The following WDR91 variants were observed in gnomAD, a reference collection of about 807,000 sequenced individuals.
The protein encoded by WDR91 is WD repeat domain 91, also known as WD repeat-containing protein 91.
In WDR91, 52 loss-of-function variants were observed where a neutral mutation model predicts 88.4. The observed-to-expected ratio is 0.59, with a 90% CI of 0.47 to 0.74. WDR91 has a LOEUF of 0.74. Ranked by LOEUF, WDR91 falls within the 30% of genes least tolerant of loss-of-function variation. WDR91 has a pLI of 0.00. For missense variants in WDR91, 824 were observed against 954.5 expected (o/e 0.86, Z 1.80); for synonymous variants, 362 against 389.5 (o/e 0.93, Z 0.83).
Position 135,194,951 on chromosome 7 carries a change from T to A in WDR91, c.1378A>T (p.Thr460Ser), listed in dbSNP as rs745924675. Residue 460 changes from threonine to serine, a missense_variant, in exon 9 of 15, where the codon ACC becomes TCC. By Grantham distance (58) the Thr-to-Ser change is moderately conservative (BLOSUM62 1). Coordinates refer to ENST00000354475, the MANE Select transcript of WDR91 (RefSeq NM_014149.4). Reference protein sequence around the residue: ...KSPLLSLEWATKRDRLLLLGS... With the variant: ...KSPLLSLEWASKRDRLLLLGS... ...TTACTCACCAGTCTGTCCCGTTTGG[T>A]GGCCCATTCCAAAGACAGCAGCGGT... The A allele has an allele frequency of 4.3e-6, 7 of 1,614,126 alleles. No individual in the cohort carries two copies. In the South Asian group the frequency reaches 7.7e-5, roughly 18 times the overall value.
At chr7:135,199,478 T>G (rs1831492805) in intron 6 of WDR91, 1 of 151,438 alleles carries the variant, frequency 6.6e-6, no homozygotes, top group African/African-American at 2.4e-5. Context: ...AGAGATGGAG[T>G]GGGGAGGTGG....
At chr7:135,207,034 T>G in intron 4 of WDR91, 86 bp downstream of exon 4, 1 of 1,097,064 alleles carries the variant, frequency 9.1e-7, no homozygotes, top group Non-Finnish European at 1.3e-6. Flanking sequence ...GGAAACCTGA[T>G]TAATATAGTG....
Position 135,198,078 on chromosome 7 carries a change from T to C in WDR91, c.965A>G (p.Glu322Gly). The C allele has an allele frequency of 6.2e-7, 1 of 1,614,108 alleles. No homozygotes were observed. Among genetic ancestry groups the C allele is most frequent in the Non-Finnish European group, 8.5e-7 (1 of 1,179,992 alleles). ...KSLLSGLATG[E>G]SGWSQHRQRR... is the part of the protein sequence containing the mutation. ...CTGCCGGTGCTGTGACCAACCGGACTCCCCAGTGGCCAGCCCGCTGAGGAG... is the reference window on the plus strand; with the variant it reads ...CTGCCGGTGCTGTGACCAACCGGACCCCCCAGTGGCCAGCCCGCTGAGGAG... The change falls in exon 7 of 15, where the codon GAG becomes GGG. Residue 322 changes from glutamate to glycine, a missense_variant. Glu to Gly is a moderately conservative substitution (Grantham distance 98). Coordinates refer to ENST00000354475, the MANE Select transcript of WDR91 (RefSeq NM_014149.4).
intron 7 of WDR91, 180 bp downstream of exon 7, chr7:135,197,813 C>G (rs779565322): frequency 8.8e-5 from 62 of 700,880 alleles, no homozygotes; most frequent in Admixed American, 2.5e-4. Context: ...AGAAATGGAC[C>G]ACAGAAAAGC....
chr7:135,193,753 CT>C, intron 9 of WDR91, 81 bp from the exon 10 acceptor site: 1 of 1,256,506 alleles, frequency 8.0e-7, no homozygotes, highest in African/African-American at 1.5e-5. Context: ...GGGGGTGAGG[CT>C]GGGCAGGCTG....
At chr7:135,207,552 T>A (rs1387109557) in intron 3 of WDR91, among the ~76,000 whole-genome samples, 7 of 152,114 alleles carry the variant, frequency 4.6e-5, no homozygotes, top group African/African-American at 1.7e-4. Flanking sequence ...TTTAGTGAGG[T>A]CACTACATTC....
At position 135,204,430 on chromosome 7, in the gene WDR91, G is replaced by C. The variant is rs761550004; in HGVS notation, c.729C>G (p.Ala243=). Residue 243 remains alanine (A), a synonymous_variant, in exon 6 of 15, where the codon GCC becomes GCG. Transcript: ENST00000354475. ...AGGCATTCCTTTGGCTGCACACCAT[G>C]GCACTGGTCAGCAAACACACCACAG... ...NMDRLGDSEL[A]MVCSQRNASL... is the part of the protein sequence containing the mutation. 5 of 1,613,968 alleles carry C rather than the reference G, an allele frequency of 3.1e-6. No homozygotes were observed. In the African/African-American group the frequency reaches 5.3e-5, roughly 17 times the overall value.
At chr7:135,197,043 C>T (rs1465746062) in intron 7 of WDR91, 1 of 152,302 alleles carries the variant, frequency 6.6e-6, no homozygotes, top group African/African-American at 2.4e-5. Flanking sequence ...CTGGTGCTCA[C>T]CTAGACACAA....
At position 135,189,353 on chromosome 7, in the gene WDR91, G is replaced by T. The variant is rs761361253; in HGVS notation, c.1759C>A (p.Arg587=). Reference sequence around the variant, plus strand: ...GAGCACACTTGCATACCAAACAGCCGGATGACGCCATCAGCTGCCCCTGTG... The same window carrying T: ...GAGCACACTTGCATACCAAACAGCCTGATGACGCCATCAGCTGCCCCTGTG... ...LVTGAADGVI[R]LFDMQQHECA... Residue 587 remains arginine, a synonymous_variant, in exon 12 of 15, where the codon CGG becomes AGG. Coordinates refer to ENST00000354475, the MANE Select transcript of WDR91 (RefSeq NM_014149.4). 1 of 1,613,450 alleles carries T rather than the reference G, an allele frequency of 6.2e-7. No homozygotes were observed. The highest frequency in any genetic ancestry group is 1.3e-5 in the African/African-American group (1 of 74,882).
Position 135,186,140 on chromosome 7 carries a change from G to A in WDR91, c.*11C>T, listed in dbSNP as rs1220043277. Reference sequence around the variant, plus strand: ...AATACTGCTTCCTCGGGTGGCCCTTGGGGCAAGTCATCAGGCTTTATGGGC... The same window carrying A: ...AATACTGCTTCCTCGGGTGGCCCTTAGGGCAAGTCATCAGGCTTTATGGGC... On this transcript the variant is annotated 3_prime_UTR_variant, in exon 15 of 15. Transcript: ENST00000354475. The A allele has an allele frequency of 6.3e-7, 1 of 1,579,082 alleles. No individual in the cohort carries two copies. The highest frequency in any genetic ancestry group is 1.9e-5 in the Admixed American group (1 of 51,358).
chr7:135,209,810 T>C, intron 1 of WDR91, 55 bp from the exon 2 acceptor site: 2 of 1,414,350 alleles, frequency 1.4e-6, no homozygotes, highest in Non-Finnish European at 9.4e-7. Context: ...AATTCTCCCC[T>C]CCATGGAATA....
chr7:135,207,382 T>C (rs1391679870), intron 3 of WDR91, 180 bp from the exon 4 acceptor site: 1 of 615,824 alleles, frequency 1.6e-6, no homozygotes, highest in African/African-American at 1.8e-5. Context: ...CTCTAAGACT[T>C]TCTCTAGGTC....
intron 1 of WDR91, chr7:135,210,922 C>T (rs1392343769): frequency 1.6e-5 from 11 of 703,468 alleles, no homozygotes; most frequent in African/African-American, 8.7e-5. Flanking sequence ...GCAAAATTGC[C>T]GATGAGTCCC....
rs532131778 is a variant in WDR91 at position 135,193,213 on chromosome 7, C to T, written c.1659+18G>A. 8.4e-5 allele frequency: 136 copies of T among 1,611,984 alleles called. No individual in the cohort carries two copies. The South Asian group carries it at 1.3e-3, about 16-fold the overall frequency. On this transcript the variant is annotated intron_variant, in intron 11 of 14. Coordinates refer to ENST00000354475, the MANE Select transcript of WDR91 (RefSeq NM_014149.4). Reference sequence around the variant, plus strand: ...GTGTGTGCCTGGCCCCAGAGAGAGCCACAGGGCAGGCCCGTACCTGCTGCT... The same window carrying T: ...GTGTGTGCCTGGCCCCAGAGAGAGCTACAGGGCAGGCCCGTACCTGCTGCT...
At chr7:135,209,810 T>A in intron 1 of WDR91, 55 bp from the exon 2 acceptor site, 1 of 1,414,350 alleles carries the variant, frequency 7.1e-7, no homozygotes, top group South Asian at 1.6e-5. Context: ...AATTCTCCCC[T>A]CCATGGAATA....
chr7:135,194,213 G>A (rs1198711236), intron 9 of WDR91, among the ~76,000 whole-genome samples: 1 of 152,198 alleles, frequency 6.6e-6, no homozygotes, highest in African/African-American at 2.4e-5. Flanking sequence ...GATAATAATA[G>A]TGCCAGAGGA....
At position 135,193,633 on chromosome 7, in the gene WDR91, C is replaced by A; in HGVS notation, c.1435G>T (p.Asp479Tyr). 6.2e-7 allele frequency: 1 copy of A among 1,614,118 alleles called. No individual in the cohort carries two copies. The highest frequency in any genetic ancestry group is 1.1e-5 in the South Asian group (1 of 91,046). Residue 479 changes from aspartate (D) to tyrosine (Y), a missense_variant, in exon 10 of 15, where the codon GAC (aspartate) becomes TAC (tyrosine). Physicochemically the swap from Asp to Tyr is radical, Grantham distance 160. Coordinates refer to ENST00000354475, the MANE Select transcript of WDR91 (RefSeq NM_014149.4). ...CAGAGATTCTTCTTGGCTTCCGTGTCATAGAGACGCACTGTTCCCACACCA... is the reference window on the plus strand; with the variant it reads ...CAGAGATTCTTCTTGGCTTCCGTGTAATAGAGACGCACTGTTCCCACACCA... ...GSGVGTVRLY[D>Y]TEAKKNLCEI... is the part of the protein sequence containing the mutation.
At chr7:135,191,563 C>T (rs1253326580) in intron 11 of WDR91, among the ~76,000 whole-genome samples, 2 of 142,986 alleles carry the variant, frequency 1.4e-5, no homozygotes, top group Non-Finnish European at 3.0e-5. Flanking sequence ...AGAGATTGTG[C>T]CGCTGCACTC....
At chr7:135,202,410 T>C (rs1176837559) in intron 6 of WDR91, 1 of 152,266 alleles carries the variant, frequency 6.6e-6, no homozygotes, top group Non-Finnish European at 1.5e-5. Flanking sequence ...TCGTCTTCAC[T>C]GAGGAACTAC....
Sources: gnomAD v4.1 joint callset for allele counts (sites outside exome capture counted in the v4.1 genomes callset) on GRCh38, gnomAD v4.1.1 for gene constraint, MANE v1.5 for transcripts, NCBI Gene and HGNC (gene_info 2026-07-23, HGNC 2026-07-21) for gene names.